Variants in TECTA observed in about 807,000 individuals in gnomAD.
TECTA encodes the protein tectorin alpha, also known as alpha-tectorin.
In TECTA, 128 loss-of-function variants were observed where a neutral mutation model predicts 216.8. That is an observed-to-expected ratio of 0.59 (90% confidence interval 0.51 to 0.68). The LOEUF (loss-of-function observed/expected upper bound fraction) is 0.68, where lower values mean the gene tolerates loss of function less well. Ranked by LOEUF, TECTA falls within the 30% of genes least tolerant of loss-of-function variation. The probability of loss-of-function intolerance (pLI) is 0.00; values close to 1 mark genes in which losing one functional copy is unlikely to be tolerated. For synonymous variants in TECTA, 1,089 were observed against 1,117.1 expected, an observed-to-expected ratio of 0.97 and a Z score of 0.50; for missense variants, 2,551 against 2,786.2, an observed-to-expected ratio of 0.92 and a Z score of 1.90.
chr11:121,186,945 G>A (rs866721362), intron 20 of TECTA, among the ~76,000 whole-genome samples: 5 of 152,212 alleles, frequency 3.3e-5, no homozygotes, highest in African/African-American at 1.2e-4. Context: ...ATGCCATGTA[G>A]TGCATTGGAG....
chr11:121,157,748 G>C, intron 13 of TECTA, 93 bp from the exon 14 acceptor site: 1 of 1,591,352 alleles, frequency 6.3e-7, no homozygotes, highest in Admixed American at 1.7e-5. Flanking sequence ...AGATAGGCTA[G>C]CCAAGCCTGA....
In TECTA at chr11:121,109,352, A is replaced by G; in HGVS notation, c.340A>G (p.Arg114Gly). Reference protein sequence around the residue: ...HNGIRGEIYYRETMEPAILKR... With the variant: ...HNGIRGEIYYGETMEPAILKR... ...TGGAATTCGAGGCGAGATCTATTAC[A>G]GAGAGACCATGGAGCCTGCCATCTT... is the stretch of plus-strand genomic sequence containing the variant. Residue 114 changes from arginine (R) to glycine (G), a missense_variant, in exon 4 of 24, where the codon AGA becomes GGA. Arg to Gly is a moderately radical substitution (Grantham distance 125, BLOSUM62 -2). Transcript: ENST00000392793. 1 of 1,614,200 alleles carries G rather than the reference A, an allele frequency of 6.2e-7. No individual in the cohort carries two copies. The highest frequency in any genetic ancestry group is 8.5e-7 in the Non-Finnish European group (1 of 1,180,042).
intron 10 of TECTA, among the ~76,000 whole-genome samples, chr11:121,134,544 C>T (rs979435065): frequency 5.3e-5 from 8 of 151,856 alleles, no homozygotes; most frequent in South Asian, 2.1e-4. Flanking sequence ...CCACCACATC[C>T]GGTGGGACCT....
intron 20 of TECTA, among the ~76,000 whole-genome samples, chr11:121,173,922 AT>A (rs1026555419): frequency 3.9e-4 from 59 of 151,570 alleles, no homozygotes; most frequent in Non-Finnish European, 7.5e-4. Flanking sequence ...TGTAAGTTGG[AT>A]TCCTAGGTAT....
In TECTA at chr11:121,127,994, G is replaced by A; in HGVS notation, c.2017G>A (p.Val673Met). The change falls in exon 9 of 24, where the codon GTG becomes ATG. Residue 673 changes from valine (V) to methionine (M), a missense_variant. This residue lies in a region of TECTA where 2,375 missense variants were observed against 2,563.9 expected (regional missense o/e 0.93). Coordinates refer to ENST00000392793, the MANE Select transcript of TECTA (RefSeq NM_005422.4). The surrounding 1 kb of genome is among the most constrained non-coding windows in gnomAD (Gnocchi z 5.0). The part of the protein sequence containing the change: ...EFFWATANCT[V>M]QCLCEEGGDV... ...CTTCTGGGCCACGGCCAACTGCACT[G>A]TGCAATGCCTGTGCGAGGAGGGCGG... 6.2e-7 allele frequency: 1 copy of A among 1,614,080 alleles called. No individual in the cohort carries two copies. The highest frequency in any genetic ancestry group is 1.1e-5 in the South Asian group (1 of 91,084).
chr11:121,168,308 T>A, intron 19 of TECTA, 91 bp downstream of exon 19: 2 of 1,530,226 alleles, frequency 1.3e-6, no homozygotes, highest in East Asian at 2.3e-5. Context: ...TTGTCTTTGA[T>A]GCCCTAGGAA....
At chr11:121,182,807 G>A (rs1947243529) in intron 20 of TECTA, among the ~76,000 whole-genome samples, 2 of 151,960 alleles carry the variant, frequency 1.3e-5, no homozygotes, top group African/African-American at 4.8e-5. Flanking sequence ...AGTGGTGACT[G>A]GTGGGTGAGT....
At chr11:121,144,994 A>G (rs772478739) in intron 11 of TECTA, among the ~76,000 whole-genome samples, 1 of 152,218 alleles carries the variant, frequency 6.6e-6, no homozygotes, top group Non-Finnish European at 1.5e-5. Context: ...GGAGTAATTA[A>G]TTCTGACCAC....
intron 17 of TECTA, among the ~76,000 whole-genome samples, chr11:121,166,021 C>A (rs1305274582): frequency 2.0e-5 from 3 of 152,248 alleles, no homozygotes; most frequent in Admixed American, 1.3e-4. Flanking sequence ...ACAAGGGCTT[C>A]ACCTAAACAG....
chr11:121,146,969 G>A (rs1052892186), intron 12 of TECTA, among the ~76,000 whole-genome samples: 5 of 152,266 alleles, frequency 3.3e-5, no homozygotes, highest in African/African-American at 1.2e-4. Context: ...GCAAAGTCAG[G>A]ACTTGAGCTT....
At chr11:121,165,406 C>G (rs1291122018) in intron 17 of TECTA, 23 bp downstream of exon 17, 13 of 1,553,044 alleles carry the variant, frequency 8.4e-6, no homozygotes, top group Non-Finnish European at 1.0e-5. Flanking sequence ...GGCCACCTCC[C>G]CACCCAGAAA....
chr11:121,170,903 T>C (rs892506591), intron 20 of TECTA, among the ~76,000 whole-genome samples: 15 of 152,224 alleles, frequency 9.9e-5, no homozygotes, highest in African/African-American at 3.4e-4. Context: ...TGTTGATTGA[T>C]ATCTTTGCTG....
intron 2 of TECTA, among the ~76,000 whole-genome samples, chr11:121,104,387 C>T (rs1946372949): frequency 6.6e-6 from 1 of 152,086 alleles, no homozygotes. Flanking sequence ...CCCGACACAG[C>T]GCCTCCTACA....
rs1374825957 is a variant in TECTA, at chr11:121,125,758, C to G, written c.1660C>G (p.Leu554Val). The G allele has an allele frequency of 6.2e-7, 1 of 1,614,102 alleles. No homozygotes were observed. The highest frequency in any genetic ancestry group is 1.3e-5 in the African/African-American group (1 of 74,944). The change falls in exon 8 of 24, where the codon CTG (leucine) becomes GTG (valine). Residue 554 changes from leucine to valine, a missense_variant. Around this residue, in one of 3 missense-constraint regions of TECTA, gnomAD observed 2,375 missense variants for 2,563.9 expected, o/e 0.93. Coordinates refer to ENST00000392793, the MANE Select transcript of TECTA (RefSeq NM_005422.4). ...TTTTGTGCACAGCTGCGTGTATGAC[C>G]TGTGCAGTGTGAGGGACAATGGCAC... ...TAFVHSCVYD[L>V]CSVRDNGTLL... is the part of the protein sequence containing the mutation.
At chr11:121,174,895 C>T (rs1000424012) in intron 20 of TECTA, among the ~76,000 whole-genome samples, 1 of 152,134 alleles carries the variant, frequency 6.6e-6, no homozygotes, top group African/African-American at 2.4e-5. Flanking sequence ...TTCAGAGATC[C>T]AACTTCTTCC....
At chr11:121,188,731 A>G (rs1279128412) in intron 21 of TECTA, among the ~76,000 whole-genome samples, 1 of 152,256 alleles carries the variant, frequency 6.6e-6, no homozygotes, top group Non-Finnish European at 1.5e-5. Context: ...GGTCAGAGCA[A>G]CTTACAGATG....
chr11:121,132,589 A>G (rs570502987), intron 10 of TECTA, among the ~76,000 whole-genome samples: 1 of 152,216 alleles, frequency 6.6e-6, no homozygotes, highest in East Asian at 1.9e-4. Context: ...GTGCCTATAC[A>G]CACCCTCCAT....
intron 20 of TECTA, among the ~76,000 whole-genome samples, chr11:121,169,740 T>A (rs1403754958): frequency 6.6e-6 from 1 of 152,184 alleles, no homozygotes; most frequent in Admixed American, 6.5e-5. Context: ...AAAAATGTAT[T>A]GATACATTTA....
Position 121,152,890 on chromosome 11 carries a change from G to A in TECTA, c.4115G>A (p.Cys1372Tyr), listed in dbSNP as rs1232957788. ...WRNYTSCTVT[C>Y]PPNSHYESCV... ...GTCTCTCTTGTTCCAGCTGTCACCT[G>A]CCCTCCAAACAGCCATTACGAGAGC... Residue 1372 changes from cysteine (C) to tyrosine (Y), a missense_variant, in exon 13 of 24, where the codon TGC becomes TAC. Physicochemically the swap from Cys to Tyr is radical, Grantham distance 194. This residue lies in a region of TECTA where 2,375 missense variants were observed against 2,563.9 expected (regional missense o/e 0.93). Coordinates refer to ENST00000392793, the MANE Select transcript of TECTA (RefSeq NM_005422.4). 2.5e-6 allele frequency: 4 copies of A among 1,600,438 alleles called. No individual in the cohort carries two copies. The highest frequency in any genetic ancestry group is 3.4e-6 in the Non-Finnish European group (4 of 1,169,094).
Sources: allele counts gnomAD v4.1 joint callset (sites outside exome capture counted in the v4.1 genomes callset), GRCh38; gene constraint gnomAD v4.1.1; regional missense constraint gnomAD v4.1.1; non-coding constraint Gnocchi (gnomAD v3.1); transcripts MANE v1.5; gene names NCBI Gene and HGNC (gene_info 2026-07-23, HGNC 2026-07-21).